CDH5: variants seen among roughly 807,000 people sequenced by gnomAD.
The protein encoded by CDH5 is cadherin 5.
In CDH5, 28 loss-of-function variants were observed where a neutral mutation model predicts 62.0. The ratio of observed to expected loss-of-function variants is 0.45; its 90% CI spans 0.33 to 0.62. CDH5 has a LOEUF of 0.62. Among genes scored for constraint, CDH5 ranks in the 20% least tolerant of loss-of-function variants. The pLI is 0.02. For synonymous variants in CDH5, 464 were observed against 445.8 expected (o/e 1.04, Z -0.52); for missense variants, 940 against 1,065.1 (o/e 0.88, Z 1.63).
chr16:66,393,660 C>G (rs1331389218), intron 7 of CDH5, among the ~76,000 whole-genome samples: 1 of 152,196 alleles, frequency 6.6e-6, no homozygotes. Flanking sequence ...GGACACAGAT[C>G]CAAACCATAT....
At chr16:66,375,045 ACAT>A (rs1295799080) in intron 1 of CDH5, among the ~76,000 whole-genome samples, 1 of 152,062 alleles carries the variant, frequency 6.6e-6, no homozygotes, top group Non-Finnish European at 1.5e-5. Flanking sequence ...TGTTGTGCAA[ACAT>A]CAGAGAGTGT....
At chr16:66,391,688 G>T (rs1050588423) in intron 6 of CDH5, among the ~76,000 whole-genome samples, 4 of 152,114 alleles carry the variant, frequency 2.6e-5, no homozygotes, top group African/African-American at 9.7e-5. Context: ...CAGGAGAATC[G>T]CTTGAACCTG....
chr16:66,401,592 G>T (rs1184798676), intron 11 of CDH5, among the ~76,000 whole-genome samples: 1 of 152,178 alleles, frequency 6.6e-6, no homozygotes, highest in Non-Finnish European at 1.5e-5. Flanking sequence ...GAGGATTGGG[G>T]TGGAAGTGGT....
chr16:66,387,053 C>A lies in CDH5; in HGVS notation c.455C>A (p.Thr152Lys). Residue 152 changes from threonine to lysine, a missense_variant, in exon 3 of 12, where the codon ACG (threonine) becomes AAG (lysine). Coordinates refer to ENST00000341529, the MANE Select transcript of CDH5 (RefSeq NM_001795.5). ...GTGAACGACAACTGGCCTGTGTTCA[C>A]GCATCGGTTGTTCAATGCGTCCGTG... ...HDVNDNWPVFTHRLFNASVPE... is the reference protein window; with the variant it reads ...HDVNDNWPVFKHRLFNASVPE... 1 of 1,614,138 alleles carries A rather than the reference C, an allele frequency of 6.2e-7. No homozygotes were observed. Among genetic ancestry groups the A allele is most frequent in the Non-Finnish European group, 8.5e-7 (1 of 1,180,014 alleles).
At chr16:66,376,879 G>A (rs1173270401) in intron 1 of CDH5, among the ~76,000 whole-genome samples, 1 of 152,108 alleles carries the variant, frequency 6.6e-6, no homozygotes, top group Non-Finnish European at 1.5e-5. Context: ...CTTACTTACT[G>A]CGGCACCCCC....
chr16:66,370,392 G>A (rs1041372546), intron 1 of CDH5, among the ~76,000 whole-genome samples: 1 of 152,182 alleles, frequency 6.6e-6, no homozygotes, highest in Non-Finnish European at 1.5e-5. Context: ...CCTATCCCAT[G>A]AGCCATCAGA....
At chr16:66,396,895 A>G (rs569713716) in intron 8 of CDH5, among the ~76,000 whole-genome samples, 4 of 152,298 alleles carry the variant, frequency 2.6e-5, no homozygotes, top group East Asian at 1.9e-4. Flanking sequence ...ACTTCTGCCA[A>G]CACAGCTGCT....
Position 66,402,801 on chromosome 16 carries a change from C to T in CDH5, c.1987C>T (p.Leu663Phe). 6.2e-7 allele frequency: 1 copy of T among 1,603,426 alleles called. No homozygotes were observed. Among genetic ancestry groups the T allele is most frequent in the Non-Finnish European group, 8.5e-7 (1 of 1,175,916 alleles). Residue 663 changes from leucine to phenylalanine, a missense_variant, in exon 12 of 12, where the codon CTC (leucine) becomes TTC (phenylalanine). Leu to Phe is a conservative substitution (Grantham distance 22). Transcript: ENST00000341529. Reference sequence around the variant, plus strand: ...CACCACCAGCTACGATGTGTCGGTGCTCAACTCGGTGCGCCGCGGCGGGGC... The same window carrying T: ...CACCACCAGCTACGATGTGTCGGTGTTCAACTCGGTGCGCCGCGGCGGGGC... ...MDTTSYDVSV[L>F]NSVRRGGAKP... is the part of the protein sequence containing the mutation.
intron 2 of CDH5, among the ~76,000 whole-genome samples, chr16:66,382,516 T>C (rs1342107187): frequency 2.0e-5 from 3 of 152,152 alleles, no homozygotes; most frequent in Non-Finnish European, 4.4e-5. Flanking sequence ...GTGGGATAAT[T>C]GTGCCTTGAA....
chr16:66,389,483 C>T lies in CDH5; in HGVS notation c.742C>T (p.Leu248=). The change falls in exon 5 of 12, where the codon CTG becomes TTG. Residue 248 remains leucine, a synonymous_variant. Coordinates refer to ENST00000341529, the MANE Select transcript of CDH5 (RefSeq NM_001795.5). Reference sequence around the variant, plus strand: ...GGGCACGGCCACCGTGCTGGTCACTCTGCAAGACATCAATGACAACTTCCC... The same window carrying T: ...GGGCACGGCCACCGTGCTGGTCACTTTGCAAGACATCAATGACAACTTCCC... The part of the protein sequence containing the change: ...DSGTATVLVT[L]QDINDNFPFF... The T allele has an allele frequency of 6.2e-7, 1 of 1,606,946 alleles. No individual in the cohort carries two copies. The highest frequency in any genetic ancestry group is 8.5e-7 in the Non-Finnish European group (1 of 1,175,430).
In CDH5 at chr16:66,403,205, C is replaced by T. The variant is rs779625184; in HGVS notation, c.*36C>T. On this transcript the variant is annotated 3_prime_UTR_variant, in exon 12 of 12. Coordinates refer to ENST00000341529, the MANE Select transcript of CDH5 (RefSeq NM_001795.5). The surrounding 1 kb of genome is among the most constrained non-coding windows in gnomAD (Gnocchi z 4.3). ...TCACTCTGGGCCTGGGGACCCAAACCCCCTGCAGCCCAGGCCAGTCAGACG... is the reference window on the plus strand; with the variant it reads ...TCACTCTGGGCCTGGGGACCCAAACTCCCTGCAGCCCAGGCCAGTCAGACG... 3.8e-6 allele frequency: 6 copies of T among 1,568,066 alleles called. No individual in the cohort carries two copies. The South Asian group carries it at 6.9e-5, about 18-fold the overall frequency.
At chr16:66,395,917 G>A in intron 7 of CDH5, 142 bp from the exon 8 acceptor site, 1 of 752,314 alleles carries the variant, frequency 1.3e-6, no homozygotes, top group Non-Finnish European at 2.2e-6. Flanking sequence ...TCTTGTCTGA[G>A]TGGCAGAGTG....
intron 1 of CDH5, among the ~76,000 whole-genome samples, chr16:66,370,976 T>C (rs2142303293): frequency 6.6e-6 from 1 of 151,432 alleles, no homozygotes; most frequent in East Asian, 1.9e-4. Context: ...CAGCAGGGAG[T>C]GGGGAGGCTG....
At chr16:66,378,068 C>T (rs375881921) in intron 1 of CDH5, among the ~76,000 whole-genome samples, 4 of 152,214 alleles carry the variant, frequency 2.6e-5, no homozygotes, top group East Asian at 3.8e-4. Context: ...CTCACCACCC[C>T]ACCCACCCCT....
intron 2 of CDH5, 117 bp downstream of exon 2, chr16:66,379,664 GT>G: frequency 1.2e-6 from 1 of 863,802 alleles, no homozygotes; most frequent in Non-Finnish European, 1.9e-6. Context: ...GGTTGTAGGA[GT>G]GGAGATGATA....
At chr16:66,402,496 A>G (rs1401257911) in intron 11 of CDH5, among the ~76,000 whole-genome samples, 156 bp from the exon 12 acceptor site, 1 of 109,412 alleles carries the variant, frequency 9.1e-6, no homozygotes, top group African/African-American at 3.6e-5. Context: ...AAGGGGGGCC[A>G]AAAGGATGGG....
In CDH5 at chr16:66,386,432, C is replaced by G. The variant is rs148796795; in HGVS notation, c.211-377C>G. Among the ~76,000 whole-genome samples the G allele has an allele frequency of 2.5e-3, 373 of 152,216 alleles. 8 individuals carry two copies. Among genetic ancestry groups the G allele is most frequent in the Admixed American group, 0.021 (326 of 15,302 alleles). ...TTGTCTACCCTCGCCCTCATCCCAA[C>G]CTCCCCTCTTTTGGAGTCTCCAGTG... is the stretch of plus-strand genomic sequence containing the variant. On this transcript the variant is annotated intron_variant, in intron 2 of 11. Transcript: ENST00000341529.
Position 66,379,646 on chromosome 16 carries a change from A to G in CDH5, c.210+99A>G, listed in dbSNP as rs1960851285. 3 of 1,028,052 alleles carry G rather than the reference A, an allele frequency of 2.9e-6. No individual in the cohort carries two copies. The South Asian group carries it at 4.2e-5, about 14-fold the overall frequency. The allele number at this position is 1,028,052 out of a possible 1,614,324, so 63.7% of individuals were successfully genotyped here. ...GATGGTGGCAAAGGTGGTAATAGAT[A>G]TTGTGGTGGTTGTAGGAGTGGAGAT... On this transcript the variant is annotated intron_variant, in intron 2 of 11. Transcript: ENST00000341529.
chr16:66,397,855 G>A, intron 8 of CDH5, 127 bp from the exon 9 acceptor site: 2 of 985,140 alleles, frequency 2.0e-6, no homozygotes, highest in South Asian at 1.5e-5. Flanking sequence ...ACCATCCTGG[G>A]CCTCTGTTCC....
Sources: allele counts gnomAD v4.1 joint callset (sites outside exome capture counted in the v4.1 genomes callset), GRCh38; gene constraint gnomAD v4.1.1; non-coding constraint Gnocchi (gnomAD v3.1); transcripts MANE v1.5; gene names NCBI Gene and HGNC (gene_info 2026-07-23, HGNC 2026-07-21).